DPP6: variants seen among roughly 807,000 people sequenced by gnomAD.
DPP6 encodes A-type potassium channel modulatory protein DPP6.
Under a neutral mutation model 122.6 loss-of-function variants are expected in DPP6, and 69 were observed. The observed-to-expected ratio is 0.56, with a 90% CI of 0.46 to 0.69. DPP6 has a LOEUF of 0.69. Among genes scored for constraint, DPP6 ranks in the 30% least tolerant of loss-of-function variants. The pLI, the probability that DPP6 is intolerant of heterozygous loss-of-function variation, is 0.00. For synonymous variants in DPP6, 418 were observed against 433.1 expected, an observed-to-expected ratio of 0.97 and a Z score of 0.43; for missense variants, 928 against 1,116.9, an observed-to-expected ratio of 0.83 and a Z score of 2.41.
chr7:154,048,891 TA>T (rs1244170822), upstream of DPP6, among the ~76,000 whole-genome samples: 1 of 133,824 alleles, frequency 7.5e-6, no homozygotes, highest in East Asian at 2.1e-4. Flanking sequence ...ATTGTCATTT[TA>T]AAAATGACTA....
chr7:154,000,907 G>A (rs1226363193), intron 1 of DPP6, among the ~76,000 whole-genome samples: 2 of 152,184 alleles, frequency 1.3e-5, no homozygotes, highest in Non-Finnish European at 2.9e-5. Flanking sequence ...TGTACTCAGG[G>A]TATCTGCCGC....
chr7:154,227,773 G>A (rs1800697757), intron 1 of DPP6, among the ~76,000 whole-genome samples: 2 of 152,088 alleles, frequency 1.3e-5, no homozygotes, highest in Admixed American at 1.3e-4. Flanking sequence ...AAAACTGAAG[G>A]AGTACTGAGT....
chr7:154,064,066 G>T (rs1285793385), intron 1 of DPP6, among the ~76,000 whole-genome samples: 2 of 152,138 alleles, frequency 1.3e-5, no homozygotes, highest in Admixed American at 1.3e-4. Flanking sequence ...GTCCTGGGCT[G>T]ATCAGAGTGG....
intron 1 of DPP6, among the ~76,000 whole-genome samples, chr7:153,898,346 G>A (rs562846330): frequency 6.6e-6 from 1 of 152,226 alleles, no homozygotes; most frequent in Non-Finnish European, 1.5e-5. Context: ...CAGCTACTTG[G>A]GAGGCTTAGG....
Position 154,267,175 on chromosome 7 carries a change from G to A in DPP6, c.244-179039G>A, listed in dbSNP as rs1348673073. Among the ~76,000 whole-genome samples the A allele has an allele frequency of 2.0e-5, 3 of 151,694 alleles. No individual in the cohort carries two copies. The East Asian group carries it at 5.8e-4, about 29-fold the overall frequency. On this transcript the variant is annotated intron_variant, in intron 1 of 25. Coordinates refer to ENST00000377770, the MANE Select transcript of DPP6 (RefSeq NM_130797.4). The stretch of plus-strand genomic sequence containing the variant: ...TAGAAATCTAAAACAATGCCACTCT[G>A]CTCACCAAATTTTTTTGAAAATAAT...
intron 10 of DPP6, among the ~76,000 whole-genome samples, chr7:154,786,837 C>T (rs10270979): frequency 0.8 from 122,400 of 152,092 alleles, 49,386 homozygotes; most frequent in Non-Finnish European, 0.82. Flanking sequence ...TACTTTCAAT[C>T]GTTCCTCCTG....
intron 8 of DPP6, among the ~76,000 whole-genome samples, chr7:154,766,808 T>C (rs1015005253): frequency 1.3e-4 from 20 of 152,342 alleles, no homozygotes; most frequent in African/African-American, 4.3e-4. Flanking sequence ...CACTTTGGAC[T>C]GTGCTGGTCA....
At chr7:154,425,507 A>G (rs1239906601) in intron 1 of DPP6, among the ~76,000 whole-genome samples, 1 of 151,864 alleles carries the variant, frequency 6.6e-6, no homozygotes, top group Non-Finnish European at 1.5e-5. Context: ...CTTTGTCCCT[A>G]TGTGAGCTTG....
intron 5 of DPP6, among the ~76,000 whole-genome samples, chr7:154,599,228 C>T (rs1474944324): frequency 6.6e-6 from 1 of 152,100 alleles, no homozygotes; most frequent in African/African-American, 2.4e-5. Context: ...GCGTAAAATC[C>T]AGGGAAAACA....
chr7:153,777,970 A>C, the DPP6 span, among the ~76,000 whole-genome samples: 1 of 147,494 alleles, frequency 6.8e-6, no homozygotes, highest in South Asian at 2.1e-4. Context: ...TCTATTATAG[A>C]TGAGTATCAC....
intron 6 of DPP6, among the ~76,000 whole-genome samples, chr7:154,644,531 C>T (rs950645282): frequency 6.6e-6 from 1 of 152,086 alleles, no homozygotes; most frequent in Non-Finnish European, 1.5e-5. Context: ...CCTTTCCAGC[C>T]CTTTCTTCCT....
intron 6 of DPP6, among the ~76,000 whole-genome samples, chr7:154,649,833 G>A (rs530541100): frequency 1.3e-5 from 2 of 152,318 alleles, no homozygotes; most frequent in Middle Eastern, 3.4e-3. Context: ...GAGGCAGGAG[G>A]CAAGACAGAC....
chr7:153,884,443 G>A (rs1798838793), upstream of DPP6, among the ~76,000 whole-genome samples: 1 of 152,164 alleles, frequency 6.6e-6, no homozygotes, highest in Non-Finnish European at 1.5e-5. Flanking sequence ...CTGTAAACTA[G>A]TTCAACCATT....
chr7:154,803,609 C>T (rs936029524), intron 13 of DPP6, among the ~76,000 whole-genome samples: 2 of 152,212 alleles, frequency 1.3e-5, no homozygotes, highest in Non-Finnish European at 1.5e-5. Context: ...TGATTCGCGT[C>T]ACCAAAGAGG....
chr7:154,289,273 C>T (rs541998651), intron 1 of DPP6, among the ~76,000 whole-genome samples: 1 of 152,320 alleles, frequency 6.6e-6, no homozygotes, highest in East Asian at 1.9e-4. Context: ...CCTGGCTGCT[C>T]ACTCCCAGGG....
intron 1 of DPP6, among the ~76,000 whole-genome samples, chr7:154,370,006 A>G (rs1413119514): frequency 1.3e-5 from 2 of 151,904 alleles, no homozygotes; most frequent in African/African-American, 4.8e-5. Flanking sequence ...TTATTTAGAT[A>G]GAGTCTCACT....
At chr7:153,855,659 A>C in the DPP6 span, among the ~76,000 whole-genome samples, 1 of 152,136 alleles carries the variant, frequency 6.6e-6, no homozygotes, top group Non-Finnish European at 1.5e-5. Context: ...TCCCAAATCT[A>C]CCAGTGTACT....
At chr7:154,054,965 C>A (rs1370479749) in intron 1 of DPP6, among the ~76,000 whole-genome samples, 1 of 151,860 alleles carries the variant, frequency 6.6e-6, no homozygotes, top group Non-Finnish European at 1.5e-5. Context: ...TTTATTGTGA[C>A]ATGTGTCTAG....
chr7:154,101,245 T>C (rs1199120856), intron 1 of DPP6, among the ~76,000 whole-genome samples: 10 of 128,266 alleles, frequency 7.8e-5, no homozygotes, highest in African/African-American at 2.5e-4. Flanking sequence ...AGTATTAAAA[T>C]TGTCTGTGCA....
Sources: gnomAD v4.1 joint callset for allele counts (sites outside exome capture counted in the v4.1 genomes callset) on GRCh38, gnomAD v4.1.1 for gene constraint, MANE v1.5 for transcripts, NCBI Gene and HGNC (gene_info 2026-07-23, HGNC 2026-07-21) for gene names.